PPHLN1: variants seen among roughly 807,000 people sequenced by gnomAD.
PPHLN1 encodes periphilin 1.
PPHLN1 carries 29 observed loss-of-function variants against 51.3 expected under a neutral mutation model. That is an observed-to-expected ratio of 0.57 (90% CI 0.42 to 0.77). The LOEUF (loss-of-function observed/expected upper bound fraction) is 0.77. Ranked by LOEUF, PPHLN1 falls within the 30% of genes least tolerant of loss-of-function variation. The pLI is 0.00. For synonymous variants in PPHLN1, 147 were observed against 147.8 expected (o/e 0.99, Z 0.04); for missense variants, 436 against 438.4 (o/e 0.99, Z 0.05).
chr12:42,375,675 T>C (rs2076208757), intron 5 of PPHLN1, among the ~76,000 whole-genome samples: 1 of 152,114 alleles, frequency 6.6e-6, no homozygotes, highest in Non-Finnish European at 1.5e-5. Flanking sequence ...TATTTTATTT[T>C]TATTTTTATT....
At chr12:42,415,033 T>C (rs569053220) in intron 9 of PPHLN1, among the ~76,000 whole-genome samples, 1 of 152,320 alleles carries the variant, frequency 6.6e-6, no homozygotes, top group Admixed American at 6.5e-5. Flanking sequence ...CTTGCATGTA[T>C]TATATTTTGC....
intron 9 of PPHLN1, among the ~76,000 whole-genome samples, chr12:42,429,767 T>C (rs1373097524): frequency 6.6e-6 from 1 of 152,200 alleles, no homozygotes; most frequent in Non-Finnish European, 1.5e-5. Context: ...CATTTGCAGA[T>C]TCATTAATAT....
intron 9 of PPHLN1, among the ~76,000 whole-genome samples, chr12:42,400,789 C>T (rs1459915206): frequency 5.1e-5 from 7 of 137,326 alleles, no homozygotes; most frequent in Non-Finnish European, 1.1e-4. Context: ...CTCTCTCTCT[C>T]TCTCTCTTTC....
intron 9 of PPHLN1, among the ~76,000 whole-genome samples, chr12:42,416,129 G>A (rs959869898): frequency 2.6e-5 from 4 of 152,186 alleles, no homozygotes; most frequent in Admixed American, 2.6e-4. Flanking sequence ...CAGTCGTTTA[G>A]TGTGGGTAAA....
chr12:42,446,486 A>T, downstream of PPHLN1: 1 of 1,434,400 alleles, frequency 7.0e-7, no homozygotes, highest in Non-Finnish European at 9.4e-7. Flanking sequence ...ATATGCAAAA[A>T]AAAATCTCTC....
At chr12:42,349,315 G>T (rs189972706) in intron 2 of PPHLN1, among the ~76,000 whole-genome samples, 23 of 152,284 alleles carry the variant, frequency 1.5e-4, no homozygotes, top group Admixed American at 1.4e-3. Context: ...CATGAGGTAG[G>T]TGTTAGTATT....
intron 9 of PPHLN1, among the ~76,000 whole-genome samples, chr12:42,412,143 T>G (rs1259063063): frequency 6.6e-6 from 1 of 152,052 alleles, no homozygotes; most frequent in Non-Finnish European, 1.5e-5. Context: ...AGGCGGAGGT[T>G]GCAGTGAGCC....
In PPHLN1 at chr12:42,441,346, T is replaced by C; in HGVS notation, c.941T>C (p.Met314Thr). Residue 314 changes from methionine (M) to threonine (T), a missense_variant, in exon 10 of 10, where the codon ATG becomes ACG. Met to Thr is a moderately conservative substitution (Grantham distance 81). Coordinates refer to ENST00000358314, the MANE Select transcript of PPHLN1 (RefSeq NM_201439.2). Reference sequence around the variant, plus strand: ...CGACAAGACTGTGAAACTTTCGGGATGGTGGTGAAAATGCTGATTGAAAAA... The same window carrying C: ...CGACAAGACTGTGAAACTTTCGGGACGGTGGTGAAAATGCTGATTGAAAAA... Reference protein sequence around the residue: ...VYRQDCETFGMVVKMLIEKDP... With the variant: ...VYRQDCETFGTVVKMLIEKDP... 3 of 1,612,956 alleles carry C rather than the reference T, an allele frequency of 1.9e-6. No individual in the cohort carries two copies. The highest frequency in any genetic ancestry group is 2.5e-6 in the Non-Finnish European group (3 of 1,179,302).
downstream of PPHLN1, chr12:42,444,855 C>G (rs2083213928): frequency 1.7e-6 from 1 of 579,968 alleles, no homozygotes; most frequent in South Asian, 2.1e-5. Context: ...CGCTGTAATG[C>G]TTTTTACCGA....
At chr12:42,395,553 G>A (rs7976731) in intron 8 of PPHLN1, among the ~76,000 whole-genome samples, 30,115 of 151,850 alleles carry the variant, frequency 0.2, 3,355 homozygotes, top group African/African-American at 0.3. Context: ...TTGTTAAATA[G>A]TTACTCATTT....
chr12:42,414,812 ATTC>A (rs2080226288), intron 9 of PPHLN1, among the ~76,000 whole-genome samples: 1 of 152,164 alleles, frequency 6.6e-6, no homozygotes, highest in Admixed American at 6.5e-5. Context: ...ACTCCATTGA[ATTC>A]TTAACGTTAG....
chr12:42,429,244 C>T (rs2081806562), intron 9 of PPHLN1, among the ~76,000 whole-genome samples: 1 of 152,144 alleles, frequency 6.6e-6, no homozygotes, highest in South Asian at 2.1e-4. Flanking sequence ...ATTCACTGAG[C>T]AATGAATACA....
At chr12:42,384,176 G>A (rs565082631) in intron 5 of PPHLN1, among the ~76,000 whole-genome samples, 96 of 151,586 alleles carry the variant, frequency 6.3e-4, no homozygotes, top group African/African-American at 2.3e-3. Flanking sequence ...TTTTCATGAT[G>A]TTTCTTGAAA....
chr12:42,341,269 G>A (rs1347009498), intron 2 of PPHLN1, among the ~76,000 whole-genome samples: 1 of 152,094 alleles, frequency 6.6e-6, no homozygotes, highest in Non-Finnish European at 1.5e-5. Flanking sequence ...GTGAGCCATC[G>A]TGCCCGGCTT....
intron 1 of PPHLN1, among the ~76,000 whole-genome samples, chr12:42,330,466 TCC>T (rs2069540643): frequency 6.6e-6 from 1 of 152,082 alleles, no homozygotes; most frequent in Admixed American, 6.5e-5. Context: ...TGGGTAGAGG[TCC>T]CTGCAGCTTT....
chr12:42,446,514 C>T, downstream of PPHLN1: 2 of 1,534,418 alleles, frequency 1.3e-6, no homozygotes, highest in Non-Finnish European at 1.8e-6. Flanking sequence ...GACCCCCACT[C>T]CTGGGGGTCG....
chr12:42,404,258 G>A (rs1005065203), intron 9 of PPHLN1, among the ~76,000 whole-genome samples: 2 of 152,222 alleles, frequency 1.3e-5, no homozygotes, highest in Non-Finnish European at 2.9e-5. Flanking sequence ...GCTGGGCACA[G>A]TGGCTCACGC....
At chr12:42,423,853 T>C (rs1001627511) in intron 9 of PPHLN1, among the ~76,000 whole-genome samples, 3 of 152,036 alleles carry the variant, frequency 2.0e-5, no homozygotes, top group African/African-American at 7.2e-5. Flanking sequence ...ATTTTTACAT[T>C]TTTAGTAGAG....
intron 4 of PPHLN1, among the ~76,000 whole-genome samples, chr12:42,367,833 C>G (rs1335897893): frequency 1.3e-5 from 2 of 152,154 alleles, no homozygotes; most frequent in Non-Finnish European, 2.9e-5. Flanking sequence ...CTCCTGGATT[C>G]AAGCCATTCT....
Sources: allele counts gnomAD v4.1 joint callset (sites outside exome capture counted in the v4.1 genomes callset), GRCh38; gene constraint gnomAD v4.1.1; transcripts MANE v1.5; gene names NCBI Gene and HGNC (gene_info 2026-07-23, HGNC 2026-07-21).